HMCN1: variants seen among roughly 807,000 people sequenced by gnomAD.
HMCN1 encodes hemicentin-1.
HMCN1 carries 321 observed loss-of-function variants against 625.9 expected under a neutral mutation model. That is an observed-to-expected ratio of 0.51 (90% confidence interval 0.47 to 0.56). The LOEUF (loss-of-function observed/expected upper bound fraction) is 0.56, where lower values mean the gene tolerates loss of function less well. HMCN1 is among the 20% of genes least tolerant of loss of function. HMCN1 has a pLI of 0.00. For synonymous variants in HMCN1, 2,425 were observed against 2,417.6 expected, an observed-to-expected ratio of 1.00 and a Z score of -0.09; for missense variants, 6,588 against 6,887.3, an observed-to-expected ratio of 0.96 and a Z score of 1.54.
At position 186,151,256 on chromosome 1, in the gene HMCN1, G is replaced by A; in HGVS notation, c.14665G>A (p.Gly4889Arg). ...VIGNINDVEFGIAFLNATITD... is the reference protein window; with the variant it reads ...VIGNINDVEFRIAFLNATITD... Reference sequence around the variant, plus strand: ...TGGAAATATTAATGATGTTGAATTTGGAATTGCTTTCCTTAATGCCACAAT... The same window carrying A: ...TGGAAATATTAATGATGTTGAATTTAGAATTGCTTTCCTTAATGCCACAAT... The change falls in exon 94 of 107, where the codon GGA (glycine) becomes AGA (arginine). Residue 4889 changes from glycine to arginine, a missense_variant. Coordinates refer to ENST00000271588, the MANE Select transcript of HMCN1 (RefSeq NM_031935.3). 1 of 1,613,542 alleles carries A rather than the reference G, an allele frequency of 6.2e-7. No individual in the cohort carries two copies. Among genetic ancestry groups the A allele is most frequent in the Non-Finnish European group, 8.5e-7 (1 of 1,179,628 alleles).
chr1:185,780,611 G>A (rs960233530), intron 1 of HMCN1, among the ~76,000 whole-genome samples: 1 of 152,054 alleles, frequency 6.6e-6, no homozygotes, highest in Non-Finnish European at 1.5e-5. Context: ...ATAATCATGT[G>A]GTTTTTGTCT....
At chr1:185,797,436 C>T (rs1268446162) in intron 1 of HMCN1, among the ~76,000 whole-genome samples, 1 of 152,202 alleles carries the variant, frequency 6.6e-6, no homozygotes, top group African/African-American at 2.4e-5. Flanking sequence ...TTCTGATTAG[C>T]TGGGACAGGT....
At chr1:186,022,431 C>T (rs1654783324) in intron 35 of HMCN1, among the ~76,000 whole-genome samples, 1 of 152,088 alleles carries the variant, frequency 6.6e-6, no homozygotes, top group Non-Finnish European at 1.5e-5. Flanking sequence ...AGAGTATGAG[C>T]TTACTACCTA....
Position 185,982,297 on chromosome 1 carries a change from A to G in HMCN1, c.2698A>G (p.Asn900Asp). Residue 900 changes from asparagine (N) to aspartate (D), a missense_variant, in exon 18 of 107, where the codon AAT becomes GAT. Physicochemically the swap from Asn to Asp is conservative, Grantham distance 23 (BLOSUM62 1). This residue lies in a region of HMCN1 where 4,628 missense variants were observed against 4,853.1 expected (regional missense o/e 0.95). Coordinates refer to ENST00000271588, the MANE Select transcript of HMCN1 (RefSeq NM_031935.3). ...PLIGISPSVANVIEGQQLTLP... is the reference protein window; with the variant it reads ...PLIGISPSVADVIEGQQLTLP... Reference sequence around the variant, plus strand: ...TATTGGAATCAGCCCTTCAGTGGCCAATGTTATTGAAGGACAGCAGCTTAC... The same window carrying G: ...TATTGGAATCAGCCCTTCAGTGGCCGATGTTATTGAAGGACAGCAGCTTAC... 13 of 1,613,026 alleles carry G rather than the reference A, an allele frequency of 8.1e-6. No individual in the cohort carries two copies. Among genetic ancestry groups the G allele is most frequent in the Non-Finnish European group, 1.1e-5 (13 of 1,179,044 alleles).
chr1:186,013,778 A>G (rs760421238), intron 30 of HMCN1, among the ~76,000 whole-genome samples: 2 of 152,202 alleles, frequency 1.3e-5, no homozygotes, highest in Non-Finnish European at 2.9e-5. Flanking sequence ...CCCAATAGCC[A>G]AAACTGGATA....
chr1:186,178,997 T>A (rs1652772029), intron 104 of HMCN1, among the ~76,000 whole-genome samples: 1 of 152,234 alleles, frequency 6.6e-6, no homozygotes, highest in Non-Finnish European at 1.5e-5. Context: ...TATAGTCAGT[T>A]TCTTTTTGGT....
chr1:186,065,712 G>A (rs950998555), intron 49 of HMCN1, among the ~76,000 whole-genome samples: 7 of 152,164 alleles, frequency 4.6e-5, no homozygotes, highest in Admixed American at 6.5e-5. Flanking sequence ...TGGTCAAAGA[G>A]AAGCAGGTAA....
chr1:186,050,399 G>C (rs1654148660), intron 42 of HMCN1, among the ~76,000 whole-genome samples: 1 of 151,854 alleles, frequency 6.6e-6, no homozygotes, highest in South Asian at 2.1e-4. Context: ...GTACGCGATA[G>C]GATGGCTCTC....
chr1:185,833,531 CAG>C (rs1469177777), intron 1 of HMCN1, among the ~76,000 whole-genome samples: 1 of 152,096 alleles, frequency 6.6e-6, no homozygotes, highest in East Asian at 1.9e-4. Flanking sequence ...GATTTTTTGG[CAG>C]AGTCTTCATT....
chr1:185,846,181 G>GCCA, intron 2 of HMCN1, 85 bp downstream of exon 2: 1 of 1,091,164 alleles, frequency 9.2e-7, no homozygotes, highest in Non-Finnish European at 1.4e-6. Context: ...AAATCTAAAA[G>GCCA]ACATAGTTGT....
chr1:185,745,592 TATCC>T (rs1278868462), intron 1 of HMCN1, among the ~76,000 whole-genome samples: 1 of 152,210 alleles, frequency 6.6e-6, no homozygotes, highest in Non-Finnish European at 1.5e-5. Flanking sequence ...ACACTAGTCA[TATCC>T]ATCAGTCTCT....
chr1:185,841,332 A>G (rs1661467821), intron 1 of HMCN1, among the ~76,000 whole-genome samples: 1 of 152,218 alleles, frequency 6.6e-6, no homozygotes, highest in African/African-American at 2.4e-5. Context: ...TTTTTAAAAA[A>G]TAAGTTATAT....
intron 30 of HMCN1, among the ~76,000 whole-genome samples, chr1:186,010,456 G>A (rs1571710976): frequency 1.3e-5 from 2 of 152,108 alleles, no homozygotes; most frequent in South Asian, 4.2e-4. Context: ...TCTCATTTTC[G>A]TAAATACAAA....
intron 20 of HMCN1, 70 bp from the exon 21 acceptor site, chr1:185,989,418 T>C: frequency 6.4e-7 from 1 of 1,555,462 alleles, no homozygotes; most frequent in Non-Finnish European, 8.9e-7. Flanking sequence ...TTCCAGACAT[T>C]GTCACTCTTT....
At chr1:186,131,356 C>T (rs1168235386) in intron 85 of HMCN1, among the ~76,000 whole-genome samples, 9 of 152,100 alleles carry the variant, frequency 5.9e-5, no homozygotes, top group African/African-American at 1.2e-4. Flanking sequence ...ATTATTTCTA[C>T]TTTATGTGCC....
chr1:186,163,319 G>C (rs6673026), intron 97 of HMCN1, among the ~76,000 whole-genome samples: 57,159 of 152,058 alleles, frequency 0.38, 11,388 homozygotes, highest in African/African-American at 0.49. Context: ...TTACCCCTTT[G>C]TTTGACTAGG....
At chr1:185,960,309 G>A (rs139418025) in intron 11 of HMCN1, among the ~76,000 whole-genome samples, 9,037 of 151,398 alleles carry the variant, frequency 0.06, 654 homozygotes, top group African/African-American at 0.17. Flanking sequence ...TTGTATTTTT[G>A]GTAGAGACAG....
intron 1 of HMCN1, among the ~76,000 whole-genome samples, chr1:185,805,289 A>G (rs1445143048): frequency 6.6e-6 from 1 of 152,184 alleles, no homozygotes. Context: ...AATATTTTTT[A>G]TTGGTACTCC....
intron 2 of HMCN1, among the ~76,000 whole-genome samples, chr1:185,847,388 C>T (rs1228308614): frequency 6.6e-6 from 1 of 152,196 alleles, no homozygotes; most frequent in African/African-American, 2.4e-5. Flanking sequence ...TTCCTTTCTT[C>T]TCAATGACAA....
Sources: allele counts gnomAD v4.1 joint callset (sites outside exome capture counted in the v4.1 genomes callset), GRCh38; gene constraint gnomAD v4.1.1; regional missense constraint gnomAD v4.1.1; transcripts MANE v1.5; gene names NCBI Gene and HGNC (gene_info 2026-07-23, HGNC 2026-07-21).